Variants in CPAMD8 observed in about 807,000 individuals in gnomAD.
CPAMD8 encodes C3 and PZP like alpha-2-macroglobulin domain containing 8, also known as C3 and PZP-like alpha-2-macroglobulin domain-containing protein 8.
CPAMD8 carries 146 observed loss-of-function variants against 224.7 expected under a neutral mutation model. That is an observed-to-expected ratio of 0.65 (90% CI 0.57 to 0.75). The LOEUF is 0.75. Among genes scored for constraint, CPAMD8 ranks in the 30% least tolerant of loss-of-function variants. The pLI is 0.00. For synonymous variants in CPAMD8, 966 were observed against 1,044.6 expected (o/e 0.92, Z 1.45); for missense variants, 2,301 against 2,537.5 (o/e 0.91, Z 2.00).
chr19:16,910,468 CTT>C lies in CPAMD8; in HGVS notation c.3862-3353_3862-3352del, dbSNP rs35578232. 5.7e-3 allele frequency: 811 copies of C among 142,452 alleles called. 1 individual carries two copies. Among genetic ancestry groups the C allele is most frequent in the Admixed American group, 5.9e-3 (85 of 14,302 alleles). 8.8% of individuals were successfully genotyped at this position (142,452 alleles called of 1,614,324 possible). On this transcript the variant is annotated intron_variant, in intron 29 of 41. Transcript: ENST00000443236. ...TACAGGCAGGAGCCACTGGGCCCGCCTTTTTTTTTTTTTTTTAAATTAGTGAC... is the reference window on the plus strand; with the variant it reads ...TACAGGCAGGAGCCACTGGGCCCGCCTTTTTTTTTTTTTTAAATTAGTGAC...
rs144658452 is a variant in CPAMD8 at position 16,904,478 on chromosome 19, C to A, written c.4102G>T (p.Val1368Phe). Residue 1368 changes from valine (V) to phenylalanine (F), a missense_variant, in exon 31 of 42, where the codon GTC becomes TTC. Val to Phe is a conservative substitution (Grantham distance 50). Transcript: ENST00000443236. ...KGTFLSFSDR[V>F]SQSVVSAEVE... ...GGGTGGCCAGTACCTGACTGAGAGACCCTGTCACTGAAGCTCAAGAATGTG... is the reference window on the plus strand; with the variant it reads ...GGGTGGCCAGTACCTGACTGAGAGAACCTGTCACTGAAGCTCAAGAATGTG... The A allele has an allele frequency of 8.9e-5, 143 of 1,614,118 alleles. 1 individual carries two copies. In the African/African-American group the frequency reaches 1.6e-3, roughly 18 times the overall value.
chr19:16,957,640 T>C (rs571604393), intron 19 of CPAMD8: 9 of 597,252 alleles, frequency 1.5e-5, no homozygotes, highest in Non-Finnish European at 2.4e-5. Flanking sequence ...ACAAAGCCCT[T>C]GCATTTCATA....
rs375353861 is a variant in CPAMD8, at chr19:16,947,803, C to T, written c.2509-576G>A. Among the ~76,000 whole-genome samples, 19 of 152,172 alleles carry T rather than the reference C, an allele frequency of 1.2e-4. 2 individuals carry two copies. In the East Asian group the frequency reaches 3.3e-3, roughly 26 times the overall value. On this transcript the variant is annotated intron_variant, in intron 20 of 41. Transcript: ENST00000443236. ...ATGCATGTACACACATGTGCATCTA[C>T]CGGGTGAAGGCATGTGGATATGCAT...
intron 29 of CPAMD8, chr19:16,910,525 G>A (rs1330183424): frequency 1.3e-5 from 2 of 150,596 alleles, no homozygotes; most frequent in East Asian, 1.9e-4. Context: ...AGGCTGGAGT[G>A]CAGTGGCTAT....
Position 16,915,920 on chromosome 19 carries a change from C to T in CPAMD8, c.3630-1107G>A, listed in dbSNP as rs183786593. On this transcript the variant is annotated intron_variant, in intron 27 of 41. Transcript: ENST00000443236. ...TTTCTTTCTTTCTCTTTCTCTCTCT[C>T]CTTCCTTTTTCTCTCTCTCTTTTCT... Among the ~76,000 whole-genome samples, 7 of 150,400 alleles carry T rather than the reference C, an allele frequency of 4.7e-5. No homozygotes were observed. In the East Asian group the frequency reaches 1.4e-3, roughly 29 times the overall value.
intron 9 of CPAMD8, among the ~76,000 whole-genome samples, chr19:17,001,594 G>A (rs1417187280): frequency 5.9e-5 from 9 of 152,020 alleles, no homozygotes; most frequent in African/African-American, 1.2e-4. Flanking sequence ...AGACAGGGGC[G>A]TGCTCATAGG....
At chr19:17,004,232 C>T in intron 8 of CPAMD8, 41 bp downstream of exon 8, 1 of 1,392,652 alleles carries the variant, frequency 7.2e-7, no homozygotes, top group Non-Finnish European at 1.0e-6. Context: ...AAGGTTTCTC[C>T]CAGATCTGAA....
intron 29 of CPAMD8, among the ~76,000 whole-genome samples, chr19:16,908,121 G>A (rs1342398006): frequency 6.6e-6 from 1 of 152,150 alleles, no homozygotes. Flanking sequence ...CACTTTGGGA[G>A]GCCGAGGTGG....
Position 17,011,697 on chromosome 19 carries a change from C to T in CPAMD8, c.328G>A (p.Glu110Lys). The T allele has an allele frequency of 6.2e-7, 1 of 1,613,932 alleles. No individual in the cohort carries two copies. Among genetic ancestry groups the T allele is most frequent in the Non-Finnish European group, 8.5e-7 (1 of 1,179,984 alleles). ...TGGTTGTGAAAGAGGGGCCCCTCCTCCGCCTGCCAGCCGCGGCCCCACACT... is the reference window on the plus strand; with the variant it reads ...TGGTTGTGAAAGAGGGGCCCCTCCTTCGCCTGCCAGCCGCGGCCCCACACT... The part of the protein sequence containing the change: ...LKVWGRGWQA[E>K]EGPLFHNQTS... The change falls in exon 4 of 42, where the codon GAG becomes AAG. Residue 110 changes from glutamate (E) to lysine (K), a missense_variant. By Grantham distance (56) the Glu-to-Lys change is moderately conservative. This residue lies in a region of CPAMD8 where 283 missense variants were observed against 340.6 expected (regional missense o/e 0.83). Coordinates refer to ENST00000443236, the MANE Select transcript of CPAMD8 (RefSeq NM_015692.5).
intron 22 of CPAMD8, among the ~76,000 whole-genome samples, chr19:16,943,319 G>A (rs947576520): frequency 3.4e-4 from 51 of 152,202 alleles, no homozygotes; most frequent in African/African-American, 1.2e-3. Flanking sequence ...CCCGGCCTGT[G>A]TCTGTCTTCT....
rs750831123 is a variant in CPAMD8 at position 16,902,882 on chromosome 19, T to C, written c.4471-19A>G. The C allele has an allele frequency of 1.3e-6, 2 of 1,503,532 alleles. No homozygotes were observed. The highest frequency in any genetic ancestry group is 1.8e-6 in the Non-Finnish European group (2 of 1,120,114). 93.1% of individuals were successfully genotyped at this position (1,503,532 alleles called of 1,614,324 possible). ...CATCAATCTGGGGGGTGTTGGAGGA[T>C]GGAGGCTTAGGGACCTGGGCCCTCC... On this transcript the variant is annotated intron_variant, in intron 34 of 41. Transcript: ENST00000443236.
At position 16,903,762 on chromosome 19, in the gene CPAMD8, C is replaced by A; in HGVS notation, c.4347G>T (p.Leu1449=). The A allele has an allele frequency of 1.2e-6, 2 of 1,614,162 alleles. No individual in the cohort carries two copies. The highest frequency in any genetic ancestry group is 1.7e-6 in the Non-Finnish European group (2 of 1,180,020). ...NLTVSLASTN[L]DYQETFELHR... ...GCAGCTCGAAGGTTTCCTGGTAGTC[C>A]AGGTTGGTGGAGGCCAGGGAGACAG... The change falls in exon 33 of 42, where the codon CTG becomes CTT. Residue 1449 remains leucine, a synonymous_variant. Coordinates refer to ENST00000443236, the MANE Select transcript of CPAMD8 (RefSeq NM_015692.5).
chr19:16,904,447 G>A lies in CPAMD8; in HGVS notation c.4114+19C>T, dbSNP rs774910175. ...AGGTATGGCCAAGGCAGGCACCCGG[G>A]AGCTGGGGTGGCCAGTACCTGACTG... On this transcript the variant is annotated intron_variant, in intron 31 of 41. Transcript: ENST00000443236. The A allele has an allele frequency of 1.7e-5, 28 of 1,613,806 alleles. No individual in the cohort carries two copies. Among genetic ancestry groups the A allele is most frequent in the East Asian group, 2.2e-5 (1 of 44,898 alleles).
intron 1 of CPAMD8, among the ~76,000 whole-genome samples, chr19:17,024,956 C>T (rs986670167): frequency 6.6e-6 from 1 of 152,210 alleles, no homozygotes; most frequent in African/African-American, 2.4e-5. Flanking sequence ...GTGAACCATG[C>T]CCCTGGCTTA....
At chr19:17,008,386 C>T (rs2056550968) in intron 7 of CPAMD8, 119 bp downstream of exon 7, 3 of 1,291,614 alleles carry the variant, frequency 2.3e-6, no homozygotes, top group Admixed American at 2.1e-5. Flanking sequence ...CTCCTTGGTC[C>T]CCTCCAGCTG....
intron 19 of CPAMD8, among the ~76,000 whole-genome samples, chr19:16,952,435 T>A (rs2122375525): frequency 6.6e-6 from 1 of 152,268 alleles, no homozygotes; most frequent in Non-Finnish European, 1.5e-5. Context: ...ACCAGCACTC[T>A]GAGAGGCCGA....
At chr19:16,944,436 C>A (rs896226094) in intron 22 of CPAMD8, among the ~76,000 whole-genome samples, 1 of 152,140 alleles carries the variant, frequency 6.6e-6, no homozygotes, top group Non-Finnish European at 1.5e-5. Context: ...CCTCAAGAGT[C>A]CCCCTGTGTG....
chr19:17,000,864 T>C (rs11669497), intron 9 of CPAMD8, among the ~76,000 whole-genome samples: 28,393 of 152,182 alleles, frequency 0.19, 2,976 homozygotes, highest in African/African-American at 0.28. Context: ...CTAAGCGCCC[T>C]ATTAAGCTCG....
chr19:16,974,787 C>G (rs2055195134), intron 17 of CPAMD8, among the ~76,000 whole-genome samples: 1 of 151,992 alleles, frequency 6.6e-6, no homozygotes, highest in Non-Finnish European at 1.5e-5. Flanking sequence ...GGCCACGTAG[C>G]AAGACCCCAT....
Sources: allele counts gnomAD v4.1 joint callset (sites outside exome capture counted in the v4.1 genomes callset), GRCh38; gene constraint gnomAD v4.1.1; regional missense constraint gnomAD v4.1.1; transcripts MANE v1.5; gene names NCBI Gene and HGNC (gene_info 2026-07-23, HGNC 2026-07-21).